The following IPCEF1 variants were observed in gnomAD, a reference collection of about 807,000 sequenced individuals.
IPCEF1 encodes interaction protein for cytohesin exchange factors 1, also known as interactor protein for cytohesin exchange factors 1.
In IPCEF1, 31 loss-of-function variants were observed where a neutral mutation model predicts 50.9. The observed-to-expected ratio is 0.61, with a 90% CI of 0.46 to 0.82. The LOEUF is 0.82. IPCEF1 is among the 40% of genes least tolerant of loss of function. The probability of loss-of-function intolerance (pLI) is 0.00; values close to 1 mark genes in which losing one functional copy is unlikely to be tolerated. For synonymous variants in IPCEF1, 181 were observed against 192.0 expected (o/e 0.94, Z 0.47); for missense variants, 458 against 514.0 (o/e 0.89, Z 1.05).
chr6:154,192,719 G>A (rs9478519), intron 10 of IPCEF1, among the ~76,000 whole-genome samples: 101,576 of 151,802 alleles, frequency 0.67, 34,556 homozygotes, highest in East Asian at 0.89. Context: ...TGAATAGACA[G>A]TTCTCAAAAG....
Position 154,156,789 on chromosome 6 carries a change from A to G in IPCEF1, c.*3039T>C, listed in dbSNP as rs1244613689. ...TTGCAATGCAGGGCTCAGAGTGTCT[A>G]TTTGCAATATATCAACCAGTGAAGG... On this transcript the variant is annotated 3_prime_UTR_variant, in exon 12 of 12. Transcript: ENST00000367220. The G allele has an allele frequency of 6.6e-6, 1 of 152,134 alleles. No homozygotes were observed. Among genetic ancestry groups the G allele is most frequent in the Non-Finnish European group, 1.5e-5 (1 of 68,034 alleles). 9.4% of individuals were successfully genotyped at this position (152,134 alleles called of 1,614,324 possible).
chr6:154,246,578 A>G lies in IPCEF1; in HGVS notation c.246+13T>C. 1 of 1,604,892 alleles carries G rather than the reference A, an allele frequency of 6.2e-7. No individual in the cohort carries two copies. Among genetic ancestry groups the G allele is most frequent in the Non-Finnish European group, 8.5e-7 (1 of 1,174,218 alleles). ...TAAAACGGCTGGGAATAGGAGGAAGAAAGCAGACTCACCATTTGATTGCTA... is the reference window on the plus strand; with the variant it reads ...TAAAACGGCTGGGAATAGGAGGAAGGAAGCAGACTCACCATTTGATTGCTA... On this transcript the variant is annotated intron_variant, in intron 5 of 11. Coordinates refer to ENST00000367220, the MANE Select transcript of IPCEF1 (RefSeq NM_001130700.2).
rs10543127 is a variant in IPCEF1, at chr6:154,246,935, C to CAAAAAAAAAAAAA, written c.77-188_77-176dup. On this transcript the variant is annotated intron_variant, in intron 4 of 11. Coordinates refer to ENST00000367220, the MANE Select transcript of IPCEF1 (RefSeq NM_001130700.2). Reference sequence around the variant, plus strand: ...ATGCAAAACCTATGCAAAACCAATGCAAAAAAAAAAAAAAAAAGCCATGTG... The same window carrying CAAAAAAAAAAAAA: ...ATGCAAAACCTATGCAAAACCAATGCAAAAAAAAAAAAAAAAAAAAAAAAAAAAAAGCCATGTG... 1.7e-5 allele frequency: 4 copies of CAAAAAAAAAAAAA among 238,152 alleles called. 1 individual carries two copies. Among genetic ancestry groups the CAAAAAAAAAAAAA allele is most frequent in the Non-Finnish European group, 1.4e-5 (2 of 140,782 alleles). The allele number at this position is 238,152 out of a possible 1,614,324, so 14.8% of individuals were successfully genotyped here. A position where few individuals can be genotyped will look rare whatever the true frequency, so the allele number is the denominator to read the frequency against.
chr6:154,177,641 A>G (rs1188686712), intron 10 of IPCEF1, among the ~76,000 whole-genome samples: 1 of 152,228 alleles, frequency 6.6e-6, no homozygotes, highest in Non-Finnish European at 1.5e-5. Context: ...AGGAAATAAC[A>G]GATGCTGGAG....
intron 2 of IPCEF1, among the ~76,000 whole-genome samples, chr6:154,283,554 C>T (rs889144967): frequency 2.7e-5 from 4 of 150,700 alleles, no homozygotes; most frequent in South Asian, 2.1e-4. Flanking sequence ...GCTGAGATCG[C>T]GCCACTGCAC....
chr6:154,276,144 A>G (rs1266808070), intron 2 of IPCEF1, among the ~76,000 whole-genome samples: 1 of 151,960 alleles, frequency 6.6e-6, no homozygotes, highest in Non-Finnish European at 1.5e-5. Context: ...AGATTGTGCC[A>G]CTGCACTCCA....
At chr6:154,267,990 A>G (rs1405991332) in intron 2 of IPCEF1, among the ~76,000 whole-genome samples, 2 of 152,178 alleles carry the variant, frequency 1.3e-5, no homozygotes, top group Non-Finnish European at 2.9e-5. Flanking sequence ...AGGGCCCAGA[A>G]AGGCACCACA....
chr6:154,264,201 T>G (rs1394226730), intron 3 of IPCEF1, among the ~76,000 whole-genome samples: 1 of 151,930 alleles, frequency 6.6e-6, no homozygotes, highest in Non-Finnish European at 1.5e-5. Flanking sequence ...TTCTCCAAGC[T>G]TTACATGGCA....
chr6:154,252,475 G>A (rs1447348078), intron 3 of IPCEF1, among the ~76,000 whole-genome samples: 4 of 152,122 alleles, frequency 2.6e-5, no homozygotes, highest in Non-Finnish European at 1.5e-5. Flanking sequence ...AGGAGTTCAA[G>A]AACAGCCTGG....
At chr6:154,235,359 C>T (rs777273324) in intron 5 of IPCEF1, among the ~76,000 whole-genome samples, 16 of 152,048 alleles carry the variant, frequency 1.1e-4, no homozygotes, top group East Asian at 5.8e-4. Flanking sequence ...GGCGAAAACC[C>T]GTCTCTACTA....
intron 10 of IPCEF1, among the ~76,000 whole-genome samples, chr6:154,191,966 A>G (rs1394414456): frequency 6.6e-6 from 1 of 152,164 alleles, no homozygotes; most frequent in Non-Finnish European, 1.5e-5. Context: ...AGAGCCCACA[A>G]CTGAAAAAAA....
chr6:154,215,874 A>T (rs187937464), intron 7 of IPCEF1, among the ~76,000 whole-genome samples: 17 of 152,338 alleles, frequency 1.1e-4, no homozygotes, highest in South Asian at 4.1e-4. Context: ...TGCGAAAAAA[A>T]TTTCTCAGCC....
At chr6:154,200,078 A>T (rs1397694351) in intron 9 of IPCEF1, 38 bp from the exon 10 acceptor site, 1 of 1,540,404 alleles carries the variant, frequency 6.5e-7, no homozygotes, top group African/African-American at 1.4e-5. Context: ...AGAATAAAAG[A>T]CATCATGATT....
At chr6:154,180,705 T>G (rs1246603252) in intron 10 of IPCEF1, among the ~76,000 whole-genome samples, 1 of 152,164 alleles carries the variant, frequency 6.6e-6, no homozygotes, top group Non-Finnish European at 1.5e-5. Context: ...CCTTGTGCTT[T>G]CTAGAATGTG....
chr6:154,212,463 A>T (rs929545485), intron 9 of IPCEF1, among the ~76,000 whole-genome samples: 1 of 152,222 alleles, frequency 6.6e-6, no homozygotes, highest in African/African-American at 2.4e-5. Flanking sequence ...GTAGAACATA[A>T]ATAAACACTG....
intron 1 of IPCEF1, among the ~76,000 whole-genome samples, chr6:154,324,214 T>C (rs1481464278): frequency 6.6e-6 from 1 of 152,188 alleles, no homozygotes; most frequent in Admixed American, 6.5e-5. Context: ...GGAACACATC[T>C]AATAAAGCTA....
chr6:154,159,598 C>T lies in IPCEF1; in HGVS notation c.*230G>A, dbSNP rs935622910. ...GAGCTCCCAGTAGGAACACAAAAAA[C>T]GCCTTTCAACTGAACTCAATCATTC... On this transcript the variant is annotated 3_prime_UTR_variant, in exon 12 of 12. Coordinates refer to ENST00000367220, the MANE Select transcript of IPCEF1 (RefSeq NM_001130700.2). 2.3e-5 allele frequency: 12 copies of T among 527,798 alleles called. No homozygotes were observed. Among genetic ancestry groups the T allele is most frequent in the African/African-American group, 7.9e-5 (4 of 50,754 alleles). The allele number at this position is 527,798 out of a possible 1,614,324, so 32.7% of individuals were successfully genotyped here. A position where few individuals can be genotyped will look rare whatever the true frequency, so the allele number is the denominator to read the frequency against.
intron 10 of IPCEF1, among the ~76,000 whole-genome samples, chr6:154,180,407 TATA>T (rs1406029302): frequency 1.6e-3 from 66 of 40,188 alleles, no homozygotes; most frequent in African/African-American, 5.2e-3. Context: ...TATATATATA[TATA>T]TATATTTTTT....
At chr6:154,180,440 T>C (rs888782677) in intron 10 of IPCEF1, among the ~76,000 whole-genome samples, 5 of 149,586 alleles carry the variant, frequency 3.3e-5, no homozygotes, top group Non-Finnish European at 5.9e-5. Context: ...TGATCCTTCT[T>C]GGTGACATTA....
Sources: gnomAD v4.1 joint callset for allele counts (sites outside exome capture counted in the v4.1 genomes callset) on GRCh38, gnomAD v4.1.1 for gene constraint, MANE v1.5 for transcripts, NCBI Gene and HGNC (gene_info 2026-07-23, HGNC 2026-07-21) for gene names.